The following DMD variants were observed in gnomAD, a reference collection of about 807,000 sequenced individuals.
DMD encodes mutant dystrophin.
DMD carries 63 observed loss-of-function variants against 330.1 expected under a neutral mutation model. The ratio of observed to expected loss-of-function variants is 0.19; its 90% CI spans 0.16 to 0.24. The LOEUF (loss-of-function observed/expected upper bound fraction) is 0.24. Among genes scored for constraint, DMD ranks in the 10% least tolerant of loss-of-function variants. DMD has a pLI of 1.00. For synonymous variants in DMD, 1,223 were observed against 959.8 expected (o/e 1.27, Z -5.07); for missense variants, 3,344 against 2,684.1 (o/e 1.25, Z -5.43).
chrX:31,492,136 A>G (rs919538683), intron 57 of DMD, among the ~76,000 whole-genome samples: 1 of 112,465 alleles, frequency 8.9e-6, no homozygotes, highest in African/African-American at 3.2e-5. Flanking sequence ...TACAAACAAC[A>G]ATTAAATCAA....
At chrX:32,442,729 A>C (rs2098286595) in intron 27 of DMD, among the ~76,000 whole-genome samples, 1 of 110,376 alleles carries the variant, frequency 9.1e-6, no homozygotes, top group Admixed American at 9.7e-5. Context: ...TGTAGTAATC[A>C]AAAAAAAGGA....
rs1187274831 is a variant in DMD at position 32,697,974 on chromosome X, A to G, written c.856T>C (p.Tyr286His). The change falls in exon 9 of 79, where the codon TAT becomes CAT. Residue 286 changes from tyrosine (Y) to histidine (H), a missense_variant. Transcript: ENST00000357033. ...QQITVSLAQG[Y>H]ERTSSPKPRF... is the part of the protein sequence containing the mutation. The stretch of plus-strand genomic sequence containing the variant: ...GGCTTAGGGGAAGAAGTTCTCTCAT[A>G]TCCCTGTGCTAGACTGACCGTGATC... 1 of 1,197,412 alleles carries G rather than the reference A, an allele frequency of 8.4e-7. No homozygotes were observed. Among genetic ancestry groups the G allele is most frequent in the African/African-American group, 1.8e-5 (1 of 56,244 alleles).
intron 2 of DMD, among the ~76,000 whole-genome samples, chrX:32,950,019 T>C (rs2091146875): frequency 1.4e-5 from 1 of 69,705 alleles, no homozygotes; most frequent in South Asian, 4.8e-4. Context: ...GATGGACTGG[T>C]ATTGCTAGTA....
rs747475199 is a variant in DMD at position 31,803,047 on chromosome X, C to G, written c.7309+16928G>C. Among the ~76,000 whole-genome samples the G allele has an allele frequency of 5.4e-5, 6 of 112,006 alleles. No individual in the cohort carries two copies. In the South Asian group the frequency reaches 1.1e-3, roughly 21 times the overall value. On this transcript the variant is annotated intron_variant, in intron 50 of 78. Coordinates refer to ENST00000357033, the MANE Select transcript of DMD (RefSeq NM_004006.3). ...AGAACTTTTGTATGTTCCTGAGAAT[C>G]ACAGAGAATTCCCCTTGCCCCCGGA...
intron 30 of DMD, among the ~76,000 whole-genome samples, chrX:32,394,921 A>AAAAAAAAAAAAAAAAAAAAC (rs1557326840): frequency 3.1e-5 from 2 of 63,715 alleles, no homozygotes; most frequent in African/African-American, 5.5e-5. Flanking sequence ...AAAAACAAAA[A>AAAAAAAAAAAAAAAAAAAAC]AAAAAAAAAA....
At chrX:33,083,580 T>C (rs2094961862) in intron 1 of DMD, among the ~76,000 whole-genome samples, 2 of 111,404 alleles carry the variant, frequency 1.8e-5, no homozygotes, top group East Asian at 2.8e-4. Flanking sequence ...GTTCTCTGAG[T>C]TAGGCATGCT....
At chrX:31,727,088 C>A (rs1201513927) in intron 52 of DMD, among the ~76,000 whole-genome samples, 1 of 111,272 alleles carries the variant, frequency 9.0e-6, no homozygotes, top group Non-Finnish European at 1.9e-5. Flanking sequence ...ATAATACATT[C>A]ATATTGTCTT....
intron 60 of DMD, among the ~76,000 whole-genome samples, chrX:31,419,418 T>C (rs187856289): frequency 1.9e-4 from 21 of 110,212 alleles, no homozygotes; most frequent in African/African-American, 5.9e-4. Context: ...CATTCATGGG[T>C]GTATGTGTGT....
intron 62 of DMD, among the ~76,000 whole-genome samples, chrX:31,318,748 A>G (rs2056221870): frequency 8.9e-6 from 1 of 112,265 alleles, no homozygotes; most frequent in Non-Finnish European, 1.9e-5. Context: ...CAAGAACCCC[A>G]TCTTTCACTC....
chrX:32,393,377 A>C (rs1295366892), intron 30 of DMD, among the ~76,000 whole-genome samples: 1 of 111,443 alleles, frequency 9.0e-6, no homozygotes, highest in Non-Finnish European at 1.9e-5. Flanking sequence ...GTAGGTAGAA[A>C]TCAGGTATTA....
rs10652780 is a variant in DMD, at chrX:32,292,302, C to CTTTTTTT, written c.6118-4608_6118-4602dup. 3.0e-3 allele frequency among the ~76,000 whole-genome samples: 189 copies of CTTTTTTT among 62,905 alleles called. 34 individuals carry two copies. Among genetic ancestry groups the CTTTTTTT allele is most frequent in the African/African-American group, 0.012 (170 of 14,268 alleles). 54.6% of individuals were successfully genotyped at this position (62,905 alleles called of 115,157 possible). A position where few individuals can be genotyped will look rare whatever the true frequency, so the allele number is the denominator to read the frequency against. ...AACAAATATCAACAAAGGGAATATT[C>CTTTTTTT]TTTTTTTTTTTTTTTTGAGATGGAG... On this transcript the variant is annotated intron_variant, in intron 42 of 78. Coordinates refer to ENST00000357033, the MANE Select transcript of DMD (RefSeq NM_004006.3).
intron 7 of DMD, among the ~76,000 whole-genome samples, chrX:32,727,637 T>C (rs1036826782): frequency 9.0e-6 from 1 of 110,916 alleles, no homozygotes; most frequent in African/African-American, 3.3e-5. Flanking sequence ...TTTCCTAATT[T>C]AGGATACATG....
chrX:33,101,328 A>C (rs1345390221), intron 1 of DMD, among the ~76,000 whole-genome samples: 2 of 112,339 alleles, frequency 1.8e-5, no homozygotes, highest in African/African-American at 3.2e-5. Flanking sequence ...ATGAATGGGC[A>C]TAAGAGAAAC....
chrX:33,054,264 C>A (rs1189195311), intron 1 of DMD, among the ~76,000 whole-genome samples: 1 of 111,934 alleles, frequency 8.9e-6, no homozygotes, highest in Non-Finnish European at 1.9e-5. Context: ...ACGAATGTTT[C>A]TATAAATTAT....
intron 43 of DMD, among the ~76,000 whole-genome samples, chrX:32,268,104 G>T (rs1322586437): frequency 1.8e-5 from 2 of 111,300 alleles, no homozygotes; most frequent in Non-Finnish European, 3.8e-5. Context: ...CAAATACGCA[G>T]AAGAGTGACC....
At chrX:32,132,352 C>A (rs1026596330) in intron 44 of DMD, among the ~76,000 whole-genome samples, 1 of 111,569 alleles carries the variant, frequency 9.0e-6, no homozygotes, top group Non-Finnish European at 1.9e-5. Flanking sequence ...GCATCTCAAG[C>A]ACTTCTCACA....
At chrX:33,316,385 C>T (rs1459522702) in intron 1 of DMD, among the ~76,000 whole-genome samples, 1 of 111,041 alleles carries the variant, frequency 9.0e-6, no homozygotes, top group Non-Finnish European at 1.9e-5. Context: ...ATCATATATA[C>T]CCATAGATGG....
At chrX:31,292,347 T>C (rs1469508642) in intron 62 of DMD, among the ~76,000 whole-genome samples, 1 of 111,783 alleles carries the variant, frequency 8.9e-6, no homozygotes, top group African/African-American at 3.2e-5. Context: ...GGTCAATAAA[T>C]ACACGTAAAA....
chrX:33,130,559 AAT>A (rs759132318), intron 1 of DMD, among the ~76,000 whole-genome samples: 14 of 103,834 alleles, frequency 1.3e-4, no homozygotes, highest in Admixed American at 1.1e-3. Context: ...TATATATATA[AAT>A]ATATATATAT....
Sources: allele counts gnomAD v4.1 joint callset (sites outside exome capture counted in the v4.1 genomes callset), GRCh38; gene constraint gnomAD v4.1.1; transcripts MANE v1.5; gene names NCBI Gene and HGNC (gene_info 2026-07-23, HGNC 2026-07-21).